The following ARMC2 variants were observed in gnomAD, a reference collection of about 807,000 sequenced individuals.
ARMC2 encodes armadillo repeat containing 2.
ARMC2 carries 67 observed loss-of-function variants against 90.3 expected under a neutral mutation model. That is an observed-to-expected ratio of 0.74 (90% CI 0.61 to 0.91). ARMC2 has a LOEUF of 0.91. Among genes scored for constraint, ARMC2 ranks in the 40% least tolerant of loss-of-function variants. The probability of loss-of-function intolerance (pLI) is 0.00; values close to 1 mark genes in which losing one functional copy is unlikely to be tolerated. For missense variants in ARMC2, 920 were observed against 1,030.9 expected, an observed-to-expected ratio of 0.89 and a Z score of 1.47; for synonymous variants, 393 against 393.0, an observed-to-expected ratio of 1.00 and a Z score of 0.00.
intron 12 of ARMC2, 47 bp from the exon 13 acceptor site, chr6:108,952,986 G>T: frequency 1.3e-6 from 2 of 1,506,500 alleles, no homozygotes; most frequent in Non-Finnish European, 1.8e-6. Flanking sequence ...CCCACGATGT[G>T]TTCCAGCCCC....
the ARMC2 span, among the ~76,000 whole-genome samples, chr6:108,995,745 C>T: frequency 6.6e-6 from 1 of 152,160 alleles, no homozygotes; most frequent in African/African-American, 2.4e-5. Context: ...GATTGTGCCA[C>T]TGTATTCCAG....
At chr6:109,007,723 C>T in the ARMC2 span, among the ~76,000 whole-genome samples, 611 of 139,934 alleles carry the variant, frequency 4.4e-3, 7 homozygotes, top group African/African-American at 0.015. Context: ...AATGTACTAA[C>T]AATTATGTTA....
rs1195325389 is a variant in ARMC2, at chr6:108,953,412, AGTTCTGT to A, written c.1915+64_1915+70del. The A allele has an allele frequency of 2.0e-6, 3 of 1,487,520 alleles. No individual in the cohort carries two copies. The African/African-American group carries it at 4.2e-5, about 21-fold the overall frequency. 92.1% of individuals were successfully genotyped at this position (1,487,520 alleles called of 1,614,324 possible). On this transcript the variant is annotated intron_variant, in intron 13 of 17. Coordinates refer to ENST00000392644, the MANE Select transcript of ARMC2 (RefSeq NM_032131.6). ...ACCAACTTTCCCGCGGCCCAAAGAC[AGTTCTGT>A]GTCTGTGGTGTGATGAGGATTTTAT...
intron 3 of ARMC2, among the ~76,000 whole-genome samples, chr6:108,865,288 G>A (rs1441189556): frequency 6.6e-6 from 1 of 152,024 alleles, no homozygotes; most frequent in African/African-American, 2.4e-5. Flanking sequence ...TAGCCCTCAG[G>A]TGAAAATTTA....
the ARMC2 span, among the ~76,000 whole-genome samples, chr6:109,042,128 G>A: frequency 4.6e-5 from 7 of 151,952 alleles, no homozygotes; most frequent in African/African-American, 7.3e-5. Flanking sequence ...AGGAGGTATC[G>A]GGGAGATTTA....
chr6:109,034,824 C>G, the ARMC2 span, among the ~76,000 whole-genome samples: 2 of 152,182 alleles, frequency 1.3e-5, no homozygotes, highest in Non-Finnish European at 2.9e-5. Flanking sequence ...GCTGTTGGAA[C>G]AACAGAGAAG....
chr6:108,878,096 G>T (rs772561953), intron 5 of ARMC2, among the ~76,000 whole-genome samples: 2 of 152,212 alleles, frequency 1.3e-5, no homozygotes, highest in African/African-American at 2.4e-5. Context: ...AAAAGTTTAC[G>T]TAGTAGGATT....
chr6:109,013,320 G>A, the ARMC2 span, among the ~76,000 whole-genome samples: 3 of 152,146 alleles, frequency 2.0e-5, no homozygotes, highest in Admixed American at 6.5e-5. Context: ...AAGGCAAGAG[G>A]GCAGTCTTCG....
the ARMC2 span, among the ~76,000 whole-genome samples, chr6:108,996,492 TTTTG>T: frequency 6.6e-6 from 1 of 152,184 alleles, no homozygotes; most frequent in African/African-American, 2.4e-5. Context: ...CACTAATTTA[TTTTG>T]TTTACCTATT....
chr6:108,851,527 A>G (rs993068641), intron 1 of ARMC2, among the ~76,000 whole-genome samples: 1 of 152,146 alleles, frequency 6.6e-6, no homozygotes, highest in Non-Finnish European at 1.5e-5. Context: ...TGAATGGGTT[A>G]ATAGTTGCAG....
the ARMC2 span, among the ~76,000 whole-genome samples, chr6:109,031,698 G>C: frequency 6.6e-6 from 1 of 152,270 alleles, no homozygotes; most frequent in Non-Finnish European, 1.5e-5. Flanking sequence ...CCCAGGGTAG[G>C]AAATGGCCCA....
chr6:108,889,745 G>T lies in ARMC2; in HGVS notation c.672-4722G>T, dbSNP rs186320088. ...ATTACAGTCGTGAGCCACCATGCCG[G>T]CCAACTTTTATTCTTTTAAGGCCCA... On this transcript the variant is annotated intron_variant, in intron 5 of 17. Transcript: ENST00000392644. Among the ~76,000 whole-genome samples, 373 of 151,796 alleles carry T rather than the reference G, an allele frequency of 2.5e-3. 6 individuals carry two copies. The highest frequency in any genetic ancestry group is 8.7e-3 in the African/African-American group (360 of 41,242).
the ARMC2 span, among the ~76,000 whole-genome samples, chr6:108,989,554 T>G: frequency 2.2e-4 from 23 of 104,602 alleles, no homozygotes; most frequent in African/African-American, 3.1e-4. Flanking sequence ...TCTCTAGATC[T>G]AGATCTCTAG....
chr6:108,951,702 C>G (rs11153138), intron 12 of ARMC2, among the ~76,000 whole-genome samples: 1 of 152,116 alleles, frequency 6.6e-6, no homozygotes, highest in African/African-American at 2.4e-5. Flanking sequence ...CCACACCCGA[C>G]GCCCCTCACG....
the ARMC2 span, among the ~76,000 whole-genome samples, chr6:109,040,084 T>C: frequency 1.3e-5 from 2 of 152,172 alleles, no homozygotes; most frequent in African/African-American, 4.8e-5. Context: ...TGATACCAAG[T>C]ACAGTATTAT....
At chr6:108,939,006 A>G (rs1319342384) in intron 12 of ARMC2, among the ~76,000 whole-genome samples, 1 of 152,108 alleles carries the variant, frequency 6.6e-6, no homozygotes, top group Non-Finnish European at 1.5e-5. Flanking sequence ...TAAAATAAAG[A>G]TGAGGTCTCA....
At chr6:108,981,202 A>G in the ARMC2 span, among the ~76,000 whole-genome samples, 1 of 152,108 alleles carries the variant, frequency 6.6e-6, no homozygotes, top group African/African-American at 2.4e-5. Flanking sequence ...CTTCATATTT[A>G]TGACTAATAT....
At chr6:108,968,640 G>T (rs1289196287) in intron 17 of ARMC2, among the ~76,000 whole-genome samples, 3 of 152,194 alleles carry the variant, frequency 2.0e-5, no homozygotes, top group Non-Finnish European at 4.4e-5. Context: ...AAATGGGCAT[G>T]TGGGTGAGAG....
chr6:109,009,962 A>T, the ARMC2 span, among the ~76,000 whole-genome samples: 1 of 152,290 alleles, frequency 6.6e-6, no homozygotes, highest in East Asian at 1.9e-4. Context: ...AATTCGATAA[A>T]CTATTGAAAT....
Sources: gnomAD v4.1 joint callset for allele counts (sites outside exome capture counted in the v4.1 genomes callset) on GRCh38, gnomAD v4.1.1 for gene constraint, MANE v1.5 for transcripts, NCBI Gene and HGNC (gene_info 2026-07-23, HGNC 2026-07-21) for gene names.